The following USH2A variants were observed in gnomAD, a reference collection of about 807,000 sequenced individuals.
USH2A encodes Usher syndrome 2A (autosomal recessive, mild).
Under a neutral mutation model 538.9 loss-of-function variants are expected in USH2A, and 443 were observed. The ratio of observed to expected loss-of-function variants is 0.82; its 90% confidence interval spans 0.76 to 0.89. The LOEUF is 0.89. Among genes scored for constraint, USH2A ranks in the 40% least tolerant of loss-of-function variants. USH2A has a pLI of 0.00. For missense variants in USH2A, 6,633 were observed against 6,324.8 expected, an observed-to-expected ratio of 1.05 and a Z score of -1.65; for synonymous variants, 2,413 against 2,273.5, an observed-to-expected ratio of 1.06 and a Z score of -1.75.
Position 215,741,432 on chromosome 1 carries a change from A to G in USH2A, c.11654T>C (p.Ile3885Thr), listed in dbSNP as rs1335178496. Residue 3885 changes from isoleucine (I) to threonine (T), a missense_variant, in exon 60 of 72, where the codon ATT (isoleucine) becomes ACT (threonine). Physicochemically the swap from Ile to Thr is moderately conservative, Grantham distance 89. Transcript: ENST00000307340. ...LKALGSACIE[I>T]KWMPPEKPNG... ...TGGTTTTTCAGGTGGCATCCACTTAATCTCTATGCAAGCTGACCCCAGTGC... is the reference window on the plus strand; with the variant it reads ...TGGTTTTTCAGGTGGCATCCACTTAGTCTCTATGCAAGCTGACCCCAGTGC... The G allele has an allele frequency of 1.9e-6, 3 of 1,613,980 alleles. No homozygotes were observed. Among genetic ancestry groups the G allele is most frequent in the African/African-American group, 1.3e-5 (1 of 74,904 alleles).
intron 17 of USH2A, 116 bp downstream of exon 17, chr1:216,199,511 A>G (rs1486863076): frequency 1.4e-6 from 2 of 1,449,324 alleles, no homozygotes; most frequent in Admixed American, 1.7e-5. Context: ...TTTCTCAATT[A>G]TTATATTGTG....
chr1:216,290,169 G>A (rs1437531139), intron 10 of USH2A, among the ~76,000 whole-genome samples: 3 of 152,016 alleles, frequency 2.0e-5, no homozygotes, highest in Non-Finnish European at 2.9e-5. Flanking sequence ...TAGAACTCAA[G>A]ACTATCAATT....
intron 32 of USH2A, among the ~76,000 whole-genome samples, chr1:216,044,619 A>G (rs1251675978): frequency 6.6e-6 from 1 of 152,166 alleles, no homozygotes; most frequent in African/African-American, 2.4e-5. Context: ...TATTTTATAT[A>G]TAGTTCTAAT....
intron 46 of USH2A, among the ~76,000 whole-genome samples, chr1:215,839,270 A>G (rs1297951989): frequency 6.6e-6 from 1 of 152,232 alleles, no homozygotes; most frequent in Non-Finnish European, 1.5e-5. Context: ...TACATATTGG[A>G]AAAATTTGAT....
At chr1:215,676,943 A>G (rs1235104019) in intron 62 of USH2A, among the ~76,000 whole-genome samples, 1 of 152,256 alleles carries the variant, frequency 6.6e-6, no homozygotes, top group Non-Finnish European at 1.5e-5. Flanking sequence ...CATTTTAAAT[A>G]GGCGATTACC....
chr1:216,296,070 T>C (rs1440465803), intron 9 of USH2A, among the ~76,000 whole-genome samples: 2 of 152,008 alleles, frequency 1.3e-5, no homozygotes, highest in Non-Finnish European at 2.9e-5. Flanking sequence ...TGCTGTTTAA[T>C]GGTATTCCAA....
chr1:216,011,379 C>T (rs931550500), intron 32 of USH2A, among the ~76,000 whole-genome samples: 1 of 152,138 alleles, frequency 6.6e-6, no homozygotes, highest in African/African-American at 2.4e-5. Flanking sequence ...ACAGATAGCC[C>T]CCATTACTTC....
intron 21 of USH2A, among the ~76,000 whole-genome samples, chr1:216,136,005 T>G (rs988486399): frequency 3.3e-5 from 5 of 152,122 alleles, no homozygotes; most frequent in African/African-American, 1.2e-4. Flanking sequence ...TACCTTACCA[T>G]ATTGTAATAA....
chr1:216,246,596 T>C lies in USH2A; in HGVS notation c.2798A>G (p.Gln933Arg), dbSNP rs988723895. 6.2e-7 allele frequency: 1 copy of C among 1,613,944 alleles called. No homozygotes were observed. The highest frequency in any genetic ancestry group is 1.3e-5 in the African/African-American group (1 of 74,940). ...VPNRQGRRCNQCQPGFYISPG... is the reference protein window; with the variant it reads ...VPNRQGRRCNRCQPGFYISPG... The stretch of plus-strand genomic sequence containing the variant: ...CATTTCTTTCTTACCTGGTTGACAC[T>C]GATTACACCTTCTTCCTTGACGATT... Residue 933 changes from glutamine to arginine, a missense_variant, in exon 13 of 72, where the codon CAG becomes CGG. By Grantham distance (43) the Gln-to-Arg change is conservative (BLOSUM62 1). Coordinates refer to ENST00000307340, the MANE Select transcript of USH2A (RefSeq NM_206933.4).
intron 37 of USH2A, among the ~76,000 whole-genome samples, chr1:215,953,593 C>A (rs1335085046): frequency 1.3e-5 from 2 of 151,920 alleles, no homozygotes; most frequent in East Asian, 3.9e-4. Flanking sequence ...AATGTTAGAC[C>A]TAAAACCATA....
At chr1:216,044,393 A>T (rs1558228438) in intron 32 of USH2A, among the ~76,000 whole-genome samples, 2 of 152,146 alleles carry the variant, frequency 1.3e-5, no homozygotes, top group Admixed American at 1.3e-4. Flanking sequence ...AATGTAATAT[A>T]TGTAAAGGTT....
At chr1:216,294,074 C>T (rs2037057789) in intron 9 of USH2A, among the ~76,000 whole-genome samples, 1 of 152,040 alleles carries the variant, frequency 6.6e-6, no homozygotes, top group Non-Finnish European at 1.5e-5. Flanking sequence ...TGTAATAGGT[C>T]TGTTATGTAC....
At chr1:215,881,667 T>A (rs1664912629) in intron 41 of USH2A, among the ~76,000 whole-genome samples, 1 of 152,194 alleles carries the variant, frequency 6.6e-6, no homozygotes, top group Admixed American at 6.5e-5. Context: ...TTGGCCTGAA[T>A]AAGCAAGAAA....
chr1:216,072,786 C>CA, intron 29 of USH2A, 103 bp downstream of exon 29: 2 of 1,185,228 alleles, frequency 1.7e-6, no homozygotes, highest in Non-Finnish European at 2.5e-6. Context: ...CAGAAGACTA[C>CA]AAAAATATTA....
chr1:215,729,174 A>C (rs796606256), intron 60 of USH2A, among the ~76,000 whole-genome samples: 12 of 152,136 alleles, frequency 7.9e-5, no homozygotes, highest in African/African-American at 2.9e-4. Flanking sequence ...TAGGACCATA[A>C]AATTACTGTG....
At chr1:215,986,498 C>A (rs1667878264) in intron 35 of USH2A, among the ~76,000 whole-genome samples, 1 of 151,956 alleles carries the variant, frequency 6.6e-6, no homozygotes, top group Non-Finnish European at 1.5e-5. Context: ...ATCCTGACCA[C>A]AGTAAAAACA....
At chr1:215,773,311 C>T (rs1007770106) in intron 55 of USH2A, among the ~76,000 whole-genome samples, 1 of 151,982 alleles carries the variant, frequency 6.6e-6, no homozygotes. Context: ...ACTGGAAGGC[C>T]CATTTGCATA....
In USH2A at chr1:216,073,233, G is replaced by A; in HGVS notation, c.5640C>T (p.Ser1880=). ...CCAGATTGACTCTGACAGCACCGCT[G>A]GACACAGATGCCAAGTTAACGACAG... ...RGAVVNLASV[S]SGAVRVNLDG... Residue 1880 remains serine, a synonymous_variant, in exon 28 of 72, where the codon TCC becomes TCT. Transcript: ENST00000307340. 3 of 1,613,764 alleles carry A rather than the reference G, an allele frequency of 1.9e-6. No individual in the cohort carries two copies. The highest frequency in any genetic ancestry group is 2.5e-6 in the Non-Finnish European group (3 of 1,179,924).
At chr1:216,326,750 G>A (rs1038470180) in intron 5 of USH2A, among the ~76,000 whole-genome samples, 1 of 152,076 alleles carries the variant, frequency 6.6e-6, no homozygotes, top group African/African-American at 2.4e-5. Flanking sequence ...CACATCAAAA[G>A]CAATGCTTCT....
Sources: gnomAD v4.1 joint callset for allele counts (sites outside exome capture counted in the v4.1 genomes callset) on GRCh38, gnomAD v4.1.1 for gene constraint, MANE v1.5 for transcripts, NCBI Gene and HGNC (gene_info 2026-07-23, HGNC 2026-07-21) for gene names.